Variants in ACSS2 observed in about 807,000 individuals in gnomAD.
ACSS2 encodes the protein acetyl-coenzyme A synthetase, cytoplasmic.
In ACSS2, 58 loss-of-function variants were observed where a neutral mutation model predicts 90.6. That is an observed-to-expected ratio of 0.64 (90% CI 0.52 to 0.80). The LOEUF is 0.80. Ranked by LOEUF, ACSS2 falls within the 30% of genes least tolerant of loss-of-function variation. The pLI is 0.00. For missense variants in ACSS2, 759 were observed against 912.0 expected, an observed-to-expected ratio of 0.83 and a Z score of 2.16; for synonymous variants, 300 against 330.9, an observed-to-expected ratio of 0.91 and a Z score of 1.01.
intron 1 of ACSS2, among the ~76,000 whole-genome samples, chr20:34,878,068 G>A (rs2079972032): frequency 6.6e-6 from 1 of 152,096 alleles, no homozygotes; most frequent in Admixed American, 6.5e-5. Flanking sequence ...TGGGTAGCTG[G>A]GACTACAGGC....
intron 2 of ACSS2, among the ~76,000 whole-genome samples, chr20:34,899,382 TTTTC>T (rs201244103): frequency 4.0e-4 from 57 of 142,628 alleles, no homozygotes; most frequent in African/African-American, 1.5e-3. Context: ...TATCACATTT[TTTTC>T]TTTCTTTCTT....
intron 7 of ACSS2, among the ~76,000 whole-genome samples, chr20:34,919,179 G>T (rs1367137467): frequency 6.6e-6 from 1 of 152,132 alleles, no homozygotes; most frequent in Non-Finnish European, 1.5e-5. Context: ...ACCAGCCAAG[G>T]GTTCCTCCTC....
intron 1 of ACSS2, among the ~76,000 whole-genome samples, chr20:34,880,268 G>T (rs536448435): frequency 1.3e-5 from 2 of 152,100 alleles, no homozygotes; most frequent in African/African-American, 4.8e-5. Flanking sequence ...TATGGGCTGG[G>T]CGTGGTGGCC....
In ACSS2 at chr20:34,876,794, T is replaced by G; in HGVS notation, c.149T>G (p.Leu50Arg). 7.5e-7 allele frequency: 1 copy of G among 1,333,770 alleles called. No individual in the cohort carries two copies. The highest frequency in any genetic ancestry group is 9.6e-7 in the Non-Finnish European group (1 of 1,036,552). The allele number at this position is 1,333,770 out of a possible 1,614,324, so 82.6% of individuals were successfully genotyped here. A position where few individuals can be genotyped will look rare whatever the true frequency, so the allele number is the denominator to read the frequency against. ...HVPSLQRYRE[L>R]HRRSVEEPRE... ...CCCTCGCTGCAGCGCTACCGCGAGC[T>G]GCACCGGCGCTCCGTGGAGGAGCCG... is the stretch of plus-strand genomic sequence containing the variant. Residue 50 changes from leucine (L) to arginine (R), a missense_variant, in exon 1 of 18, where the codon CTG becomes CGG. Transcript: ENST00000360596.
rs1167250692 is a variant in ACSS2 at position 34,914,169 on chromosome 20, GAAGT to G, written c.719+3_719+6del. On this transcript the variant is annotated splice_donor_variant and coding_sequence_variant, in exon 6 of 18. Coordinates refer to ENST00000360596, the MANE Select transcript of ACSS2 (RefSeq NM_018677.4). LOFTEE classifies it high-confidence loss of function. Reference sequence around the variant, plus strand: ...ACGAGGCCCTGCAGAAGTGTCAGGAGAAGTAAGTGTGTTTGGCTACTGTCTGAGT... The same window carrying G: ...ACGAGGCCCTGCAGAAGTGTCAGGAGAAGTGTGTTTGGCTACTGTCTGAGT... 1 of 1,614,172 alleles carries G rather than the reference GAAGT, an allele frequency of 6.2e-7. No individual in the cohort carries two copies. The highest frequency in any genetic ancestry group is 8.5e-7 in the Non-Finnish European group (1 of 1,180,010).
At chr20:34,902,237 A>G (rs1265335297) in intron 2 of ACSS2, among the ~76,000 whole-genome samples, 1 of 152,174 alleles carries the variant, frequency 6.6e-6, no homozygotes. Flanking sequence ...GCCTTCAGAA[A>G]CTGTCTTCTG....
At chr20:34,899,192 A>G (rs1238146115) in intron 2 of ACSS2, among the ~76,000 whole-genome samples, 1 of 151,630 alleles carries the variant, frequency 6.6e-6, no homozygotes, top group Non-Finnish European at 1.5e-5. Context: ...CTCCCTCCGC[A>G]CCTCCCTGCA....
At chr20:34,879,009 A>G (rs1176333301) in intron 1 of ACSS2, among the ~76,000 whole-genome samples, 1 of 142,894 alleles carries the variant, frequency 7.0e-6, no homozygotes, top group African/African-American at 2.6e-5. Flanking sequence ...GGTTCACGCC[A>G]TTCTCCTGCC....
chr20:34,914,360 C>G lies in ACSS2; in HGVS notation c.757C>G (p.Leu253Val). The change falls in exon 7 of 18, where the codon CTG (leucine) becomes GTG (valine). Residue 253 changes from leucine to valine, a missense_variant. By Grantham distance (32) the Leu-to-Val change is conservative. Coordinates refer to ENST00000360596, the MANE Select transcript of ACSS2 (RefSeq NM_018677.4). ...PVRCCIVVKH[L>V]GRAELGMGDS... ...AAGATGCTGCATTGTGGTCAAGCAC[C>G]TGGGGCGGGCAGAGCTCGGCATGGG... 1 of 1,613,892 alleles carries G rather than the reference C, an allele frequency of 6.2e-7. No homozygotes were observed. The highest frequency in any genetic ancestry group is 8.5e-7 in the Non-Finnish European group (1 of 1,179,904).
intron 2 of ACSS2, among the ~76,000 whole-genome samples, chr20:34,912,831 C>T (rs1212507775): frequency 6.6e-6 from 1 of 152,128 alleles, no homozygotes; most frequent in African/African-American, 2.4e-5. Flanking sequence ...GAGAAGGGGC[C>T]GTCACTCCAT....
intron 2 of ACSS2, among the ~76,000 whole-genome samples, chr20:34,893,044 G>T (rs2080372947): frequency 6.6e-6 from 1 of 152,004 alleles, no homozygotes. Context: ...ACTTGAACAG[G>T]GTACTATTAC....
chr20:34,899,778 C>A (rs1253554101), intron 2 of ACSS2, among the ~76,000 whole-genome samples: 1 of 152,136 alleles, frequency 6.6e-6, no homozygotes, highest in Non-Finnish European at 1.5e-5. Context: ...TGAGTCACCA[C>A]ACCTGGCCCC....
At chr20:34,890,777 A>G (rs1327999914) in intron 2 of ACSS2, among the ~76,000 whole-genome samples, 1 of 152,058 alleles carries the variant, frequency 6.6e-6, no homozygotes, top group African/African-American at 2.4e-5. Flanking sequence ...GTATATTTCA[A>G]TCCTTCTTCA....
intron 1 of ACSS2, among the ~76,000 whole-genome samples, chr20:34,877,944 T>TAGATAGATAGA (rs2079968858): frequency 3.3e-5 from 2 of 60,778 alleles, no homozygotes; most frequent in South Asian, 8.2e-4. Context: ...AGATAGATAG[T>TAGATAGATAGA]TTGTTTTGAG....
Position 34,921,026 on chromosome 20 carries a change from T to C in ACSS2, c.1164T>C (p.Tyr388=), listed in dbSNP as rs201529980. ...TSVLFEGIPT[Y]PDVNRLWSIV... ...GTCAGTTTGAGGGGATTCCCACATA[T>C]CCGGACGTGAACCGCCTGTGGAGCA... Residue 388 remains tyrosine, a synonymous_variant, in exon 10 of 18, where the codon TAT becomes TAC. Transcript: ENST00000360596. 6.2e-7 allele frequency: 1 copy of C among 1,614,066 alleles called. No homozygotes were observed. Among genetic ancestry groups the C allele is most frequent in the South Asian group, 1.1e-5 (1 of 91,070 alleles).
At chr20:34,901,768 C>T (rs2080664460) in intron 2 of ACSS2, among the ~76,000 whole-genome samples, 1 of 152,220 alleles carries the variant, frequency 6.6e-6, no homozygotes, top group Non-Finnish European at 1.5e-5. Context: ...GCCCCACTCC[C>T]TGGAGAATAA....
intron 2 of ACSS2, among the ~76,000 whole-genome samples, chr20:34,901,816 C>T (rs1313957190): frequency 6.6e-6 from 1 of 152,172 alleles, no homozygotes; most frequent in Admixed American, 6.5e-5. Context: ...CCTGGCCCAA[C>T]CTGAACAATC....
chr20:34,877,189 A>G (rs1198838285), intron 1 of ACSS2, among the ~76,000 whole-genome samples: 2 of 152,070 alleles, frequency 1.3e-5, no homozygotes, highest in Non-Finnish European at 2.9e-5. Flanking sequence ...GAGGGTCTCT[A>G]AGGGGCGACG....
At chr20:34,896,274 C>A (rs1601313083) in intron 2 of ACSS2, among the ~76,000 whole-genome samples, 2 of 152,334 alleles carry the variant, frequency 1.3e-5, no homozygotes, top group East Asian at 3.9e-4. Flanking sequence ...GCCCAGACTG[C>A]AGGGCAGGAG....
Sources: gnomAD v4.1 joint callset for allele counts (sites outside exome capture counted in the v4.1 genomes callset) on GRCh38, gnomAD v4.1.1 for gene constraint, MANE v1.5 for transcripts, NCBI Gene and HGNC (gene_info 2026-07-23, HGNC 2026-07-21) for gene names.